Variants in SLAIN1 observed in about 807,000 individuals in gnomAD.
SLAIN1 encodes SLAIN family member 1, also known as SLAIN motif-containing protein 1.
SLAIN1 carries 17 observed loss-of-function variants against 55.4 expected under a neutral mutation model. That is an observed-to-expected ratio of 0.31 (90% CI 0.21 to 0.46). The LOEUF (loss-of-function observed/expected upper bound fraction) is 0.46, where lower values mean the gene tolerates loss of function less well. SLAIN1 is among the 20% of genes least tolerant of loss of function. SLAIN1 has a pLI of 1.00. For synonymous variants in SLAIN1, 348 were observed against 337.4 expected (o/e 1.03, Z -0.35); for missense variants, 682 against 785.1 (o/e 0.87, Z 1.57).
rs145845065 is a variant in SLAIN1, at chr13:77,723,603, C to T, written c.766+3932C>T. ...AAGGCATTATTCCATTATATTTTAG[C>T]TTCGGGGTTGCTGTTGAAGTTCAGC... On this transcript the variant is annotated intron_variant, in intron 2 of 6. Coordinates refer to ENST00000418532, the MANE Select transcript of SLAIN1 (RefSeq NM_001242868.2). Among the ~76,000 whole-genome samples the T allele has an allele frequency of 1.3e-3, 192 of 152,242 alleles. 1 individual carries two copies. Among genetic ancestry groups the T allele is most frequent in the South Asian group, 3.5e-3 (17 of 4,826 alleles).
At chr13:77,699,083 C>T (rs1291723963) in intron 1 of SLAIN1, 2 of 1,521,708 alleles carry the variant, frequency 1.3e-6, no homozygotes, top group Non-Finnish European at 1.8e-6. Context: ...TTGAATTTTG[C>T]AGTCGTGTGC....
intron 6 of SLAIN1, among the ~76,000 whole-genome samples, 197 bp downstream of exon 6, chr13:77,761,307 C>G (rs1213075135): frequency 1.3e-5 from 2 of 152,142 alleles, no homozygotes; most frequent in Non-Finnish European, 2.9e-5. Flanking sequence ...ATGTCATTTT[C>G]TTCCCTTACT....
At chr13:77,699,143 C>G in intron 1 of SLAIN1, 1 of 1,349,980 alleles carries the variant, frequency 7.4e-7, no homozygotes, top group South Asian at 1.3e-5. Context: ...GACTGACTTG[C>G]TTTTTAAAAT....
At chr13:77,741,515 G>A in intron 2 of SLAIN1, 2 of 788,834 alleles carry the variant, frequency 2.5e-6, no homozygotes, top group Non-Finnish European at 3.1e-6. Context: ...TTCATGAAAT[G>A]TGTGGATTCT....
intron 3 of SLAIN1, 24 bp downstream of exon 3, chr13:77,744,456 A>G (rs1483692414): frequency 6.2e-7 from 1 of 1,606,656 alleles, no homozygotes; most frequent in African/African-American, 1.3e-5. Flanking sequence ...CTAAACTAGC[A>G]AAATGAGGCT....
At chr13:77,719,702 C>T in intron 2 of SLAIN1, 31 bp downstream of exon 2, 1 of 1,604,558 alleles carries the variant, frequency 6.2e-7, no homozygotes, top group Non-Finnish European at 8.5e-7. Flanking sequence ...TTACATTCTC[C>T]AACTCTTGTC....
intron 5 of SLAIN1, among the ~76,000 whole-genome samples, chr13:77,760,013 A>C (rs1874892513): frequency 6.6e-6 from 1 of 152,120 alleles, no homozygotes; most frequent in Non-Finnish European, 1.5e-5. Flanking sequence ...ATATTTCATG[A>C]TTAAGTAAAT....
intron 2 of SLAIN1, among the ~76,000 whole-genome samples, chr13:77,730,155 C>T (rs1231839393): frequency 1.3e-5 from 2 of 152,070 alleles, no homozygotes; most frequent in African/African-American, 4.8e-5. Context: ...CTAAATGAAA[C>T]TAGAAACTAG....
chr13:77,755,314 C>A (rs1244040133), intron 5 of SLAIN1, among the ~76,000 whole-genome samples: 2 of 150,972 alleles, frequency 1.3e-5, no homozygotes, highest in African/African-American at 4.9e-5. Flanking sequence ...TAGAATGAGA[C>A]CCTGTCTTGA....
chr13:77,715,647 G>C (rs1268518431), intron 1 of SLAIN1, among the ~76,000 whole-genome samples: 1 of 152,132 alleles, frequency 6.6e-6, no homozygotes, highest in Non-Finnish European at 1.5e-5. Context: ...GTATGTGGTA[G>C]AATCTCATTG....
chr13:77,753,422 T>C (rs1410517725), intron 5 of SLAIN1, 64 bp downstream of exon 5: 3 of 941,676 alleles, frequency 3.2e-6, no homozygotes, highest in Non-Finnish European at 4.1e-6. Context: ...TAATTTTTAA[T>C]TGTAAGGAAA....
Position 77,753,235 on chromosome 13 carries a change from C to A in SLAIN1, c.1291C>A (p.Arg431=), listed in dbSNP as rs148953050. 1.2e-6 allele frequency: 2 copies of A among 1,610,856 alleles called. No individual in the cohort carries two copies. The highest frequency in any genetic ancestry group is 2.7e-5 in the African/African-American group (2 of 74,860). The stretch of plus-strand genomic sequence containing the variant: ...CCGAAGAAGTATGCCTAACCTAGCC[C>A]GGATGCCAAGTACAACTGCCATTAG... ...KLRRSMPNLA[R]MPSTTAISSN... Residue 431 remains arginine (R), a synonymous_variant, in exon 5 of 7, where the codon CGG becomes AGG. Transcript: ENST00000418532.
rs561463603 is a variant in SLAIN1, at chr13:77,740,487, G to T, written c.767-3796G>T. 3.3e-5 allele frequency among the ~76,000 whole-genome samples: 5 copies of T among 151,352 alleles called. No homozygotes were observed. In the South Asian group the frequency reaches 1.0e-3, roughly 32 times the overall value. On this transcript the variant is annotated intron_variant, in intron 2 of 6. Coordinates refer to ENST00000418532, the MANE Select transcript of SLAIN1 (RefSeq NM_001242868.2). ...GCTATTCTAGGGATTGGAATAAAATGAAAAAATGCATAGTCTATGCCACTT... is the reference window on the plus strand; with the variant it reads ...GCTATTCTAGGGATTGGAATAAAATTAAAAAATGCATAGTCTATGCCACTT...
rs1386122829 is a variant in SLAIN1 at position 77,697,975 on chromosome 13, C to T, written c.62C>T (p.Pro21Leu). The change falls in exon 1 of 7, where the codon CCG becomes CTG. Residue 21 changes from proline (P) to leucine (L), a missense_variant. Physicochemically the swap from Pro to Leu is moderately conservative, Grantham distance 98 (BLOSUM62 -3). Transcript: ENST00000418532. ...GTCAGCTCTGGAGCGGGCTCCGGGC[C>T]GGTGGTGAACGCGGAGCTGGAGGTG... ...AGVSSGAGSG[P>L]VVNAELEVKK... is the part of the protein sequence containing the mutation. 2.8e-6 allele frequency: 4 copies of T among 1,447,826 alleles called. No individual in the cohort carries two copies. The highest frequency in any genetic ancestry group is 3.7e-6 in the Non-Finnish European group (4 of 1,091,642). The allele number at this position is 1,447,826 out of a possible 1,614,324, so 89.7% of individuals were successfully genotyped here.
intron 5 of SLAIN1, among the ~76,000 whole-genome samples, chr13:77,759,703 AGTTTTG>A (rs1432981757): frequency 1.3e-5 from 2 of 152,076 alleles, no homozygotes; most frequent in East Asian, 3.8e-4. Flanking sequence ...ATGATCATAT[AGTTTTG>A]GTTTTTAATT....
intron 3 of SLAIN1, 141 bp downstream of exon 3, chr13:77,744,573 C>G: frequency 7.7e-7 from 1 of 1,299,460 alleles, no homozygotes; most frequent in Non-Finnish European, 1.1e-6. Flanking sequence ...TTAGGTGGAG[C>G]CAGTTATATG....
At chr13:77,743,840 G>A (rs1873623944) in intron 2 of SLAIN1, among the ~76,000 whole-genome samples, 1 of 151,938 alleles carries the variant, frequency 6.6e-6, no homozygotes, top group African/African-American at 2.4e-5. Context: ...AAATGGACCA[G>A]ATTAAAATTT....
chr13:77,759,639 T>C (rs1874861174), intron 5 of SLAIN1, among the ~76,000 whole-genome samples: 1 of 152,176 alleles, frequency 6.6e-6, no homozygotes, highest in South Asian at 2.1e-4. Flanking sequence ...TGTTGAGGGT[T>C]TTTATCATAA....
At chr13:77,732,853 T>G (rs1872943694) in intron 2 of SLAIN1, among the ~76,000 whole-genome samples, 2 of 152,106 alleles carry the variant, frequency 1.3e-5, no homozygotes, top group African/African-American at 2.4e-5. Context: ...TCAAGATAAC[T>G]TCCCCTTTCT....
Sources: gnomAD v4.1 joint callset for allele counts (sites outside exome capture counted in the v4.1 genomes callset) on GRCh38, gnomAD v4.1.1 for gene constraint, MANE v1.5 for transcripts, NCBI Gene and HGNC (gene_info 2026-07-23, HGNC 2026-07-21) for gene names.